Variants in NECTIN2 observed in about 807,000 individuals in gnomAD.
NECTIN2 encodes the protein nectin cell adhesion molecule 2.
In NECTIN2, 23 loss-of-function variants were observed where a neutral mutation model predicts 56.9. The ratio of observed to expected loss-of-function variants is 0.40; its 90% CI spans 0.29 to 0.57. The LOEUF is 0.57. Ranked by LOEUF, NECTIN2 falls within the 20% of genes least tolerant of loss-of-function variation. NECTIN2 has a pLI of 0.38. For missense variants in NECTIN2, 587 were observed against 718.3 expected (o/e 0.82, Z 2.09); for synonymous variants, 302 against 313.8 (o/e 0.96, Z 0.40).
chr19:44,865,734 T>G lies in NECTIN2; in HGVS notation c.478+74T>G. ...GGGAGCATCCCCTTGCGGGTCAGTT[T>G]CTCTCTTGGCTTCAGCTGTGAGGTT... is the stretch of plus-strand genomic sequence containing the variant. On this transcript the variant is annotated intron_variant, in intron 2 of 8. Transcript: ENST00000252483. This position sits in a 1 kb window ranked among gnomAD's most constrained non-coding sequence, Gnocchi z 5.2. The G allele has an allele frequency of 7.1e-7, 1 of 1,414,390 alleles. No homozygotes were observed. Among genetic ancestry groups the G allele is most frequent in the Non-Finnish European group, 9.3e-7 (1 of 1,075,056 alleles). The allele number at this position is 1,414,390 out of a possible 1,614,324, so 87.6% of individuals were successfully genotyped here. A position where few individuals can be genotyped will look rare whatever the true frequency, so the allele number is the denominator to read the frequency against.
rs1969086670 is a variant in NECTIN2, at chr19:44,865,360, G to T, written c.178G>T (p.Val60Phe). ...GCTGCCGTGCCACCTGCTGCCACCT[G>T]TTCCTGGACTGTACATCTCCCTGGT... is the stretch of plus-strand genomic sequence containing the variant. ...VELPCHLLPPVPGLYISLVTW... is the reference protein window; with the variant it reads ...VELPCHLLPPFPGLYISLVTW... The change falls in exon 2 of 9, where the codon GTT (valine) becomes TTT (phenylalanine). Residue 60 changes from valine to phenylalanine, a missense_variant. By Grantham distance (50) the Val-to-Phe change is conservative (BLOSUM62 -1). Transcript: ENST00000252483. This position sits in a 1 kb window ranked among gnomAD's most constrained non-coding sequence, Gnocchi z 5.2. The T allele has an allele frequency of 6.2e-7, 1 of 1,614,190 alleles. No individual in the cohort carries two copies. Among genetic ancestry groups the T allele is most frequent in the Admixed American group, 1.7e-5 (1 of 60,018 alleles).
Position 44,887,783 on chromosome 19 carries a change from G to T in NECTIN2, c.1348-327G>T, listed in dbSNP as rs111661197. Reference sequence around the variant, plus strand: ...GTCAGGGGTCAGACACTGAGGTTGCGCTCAAGGTTCAAAGGACTGTTTAGA... The same window carrying T: ...GTCAGGGGTCAGACACTGAGGTTGCTCTCAAGGTTCAAAGGACTGTTTAGA... On this transcript the variant is annotated intron_variant, in intron 8 of 8. Coordinates refer to ENST00000252483, the MANE Select transcript of NECTIN2 (RefSeq NM_001042724.2). 1.7e-4 allele frequency among the ~76,000 whole-genome samples: 26 copies of T among 152,284 alleles called. 2 individuals are homozygous for T. Among genetic ancestry groups the T allele is most frequent in the African/African-American group, 5.8e-4 (24 of 41,556 alleles).
intron 5 of NECTIN2, among the ~76,000 whole-genome samples, chr19:44,881,505 C>G (rs919495776): frequency 6.8e-6 from 1 of 147,884 alleles, no homozygotes; most frequent in African/African-American, 2.5e-5. Flanking sequence ...GGCAAAACCC[C>G]ATCTCTACAA....
intron 1 of NECTIN2, among the ~76,000 whole-genome samples, chr19:44,862,158 G>A (rs190088481): frequency 9.1e-4 from 138 of 152,340 alleles, no homozygotes; most frequent in African/African-American, 3.3e-3. Flanking sequence ...GCTGACGCCT[G>A]TAATCCTAGC....
At chr19:44,858,878 A>G (rs1969000632) in intron 1 of NECTIN2, among the ~76,000 whole-genome samples, 1 of 146,450 alleles carries the variant, frequency 6.8e-6, no homozygotes, top group South Asian at 2.2e-4. Flanking sequence ...CCTGGCCCCA[A>G]GTGAGCCTCC....
intron 1 of NECTIN2, among the ~76,000 whole-genome samples, chr19:44,857,235 CTT>C (rs34803447): frequency 1.6e-5 from 2 of 128,422 alleles, no homozygotes; most frequent in African/African-American, 3.0e-5. Context: ...TACAAGTGGA[CTT>C]TTTTTTTTTT....
intron 5 of NECTIN2, among the ~76,000 whole-genome samples, chr19:44,881,115 C>A (rs1464182098): frequency 6.6e-6 from 1 of 151,724 alleles, no homozygotes; most frequent in Non-Finnish European, 1.5e-5. Flanking sequence ...GAGATGAGGT[C>A]TTGTGCTCGT....
intron 8 of NECTIN2, among the ~76,000 whole-genome samples, chr19:44,887,891 G>A (rs1969378230): frequency 6.6e-6 from 1 of 152,178 alleles, no homozygotes; most frequent in Non-Finnish European, 1.5e-5. Context: ...TCAAAAGTGA[G>A]TCCCAGGATT....
At chr19:44,878,343 G>A (rs1464833303) in intron 5 of NECTIN2, 3 of 1,460,502 alleles carry the variant, frequency 2.1e-6, no homozygotes, top group Non-Finnish European at 2.8e-6. Context: ...CTGAGGGTGA[G>A]GAGGAGGAGG....
intron 5 of NECTIN2, chr19:44,878,161 G>A (rs1034569260): frequency 3.1e-5 from 19 of 616,920 alleles, no homozygotes; most frequent in African/African-American, 1.7e-4. Flanking sequence ...TCCCCAGAGC[G>A]ATCCTCGTGA....
chr19:44,881,081 G>GTA (rs1568599274), intron 5 of NECTIN2, among the ~76,000 whole-genome samples: 3 of 151,176 alleles, frequency 2.0e-5, no homozygotes, highest in African/African-American at 7.3e-5. Flanking sequence ...GCTAGCCCCC[G>GTA]GCTAATTTTT....
At chr19:44,867,045 T>C in intron 2 of NECTIN2, among the ~76,000 whole-genome samples, 1 of 150,574 alleles carries the variant, frequency 6.6e-6, no homozygotes, top group East Asian at 2.0e-4. Context: ...TGAGACAGAG[T>C]TTTGCTCTTG....
At chr19:44,878,417 C>G (rs1296360584) in intron 5 of NECTIN2, 4 of 1,575,366 alleles carry the variant, frequency 2.5e-6, no homozygotes, top group Non-Finnish European at 3.4e-6. Flanking sequence ...TCCGAAAGCT[C>G]AGGTGTTGGG....
Position 44,886,620 on chromosome 19 carries a change from G to A in NECTIN2, c.1347+401G>A, listed in dbSNP as rs1312931331. Among the ~76,000 whole-genome samples, 5 of 152,152 alleles carry A rather than the reference G, an allele frequency of 3.3e-5. No homozygotes were observed. The East Asian group carries it at 5.8e-4, about 18-fold the overall frequency. ...GCCTGTAATCTTAGCTACCCGGGGCGCTGAGGAGGAAGAATCGCCTGAACC... is the reference window on the plus strand; with the variant it reads ...GCCTGTAATCTTAGCTACCCGGGGCACTGAGGAGGAAGAATCGCCTGAACC... On this transcript the variant is annotated intron_variant, in intron 8 of 8. Coordinates refer to ENST00000252483, the MANE Select transcript of NECTIN2 (RefSeq NM_001042724.2).
chr19:44,849,450 G>A (rs1968875496), intron 1 of NECTIN2, among the ~76,000 whole-genome samples: 1 of 152,104 alleles, frequency 6.6e-6, no homozygotes, highest in Admixed American at 6.5e-5. Context: ...GGGGCCACAG[G>A]GAGTGATGAA....
chr19:44,864,016 C>CCCCG (rs1969065350), intron 1 of NECTIN2, among the ~76,000 whole-genome samples: 2 of 151,344 alleles, frequency 1.3e-5, no homozygotes, highest in South Asian at 2.1e-4. Context: ...GAGGATTCCC[C>CCCCG]CCCCCCAAAA....
Position 44,874,080 on chromosome 19 carries a change from G to C in NECTIN2, c.893+47G>C, listed in dbSNP as rs774221330. 26 of 1,472,296 alleles carry C rather than the reference G, an allele frequency of 1.8e-5. No individual in the cohort carries two copies. The highest frequency in any genetic ancestry group is 2.3e-5 in the Non-Finnish European group (24 of 1,060,984). The allele number at this position is 1,472,296 out of a possible 1,614,324, so 91.2% of individuals were successfully genotyped here. A position where few individuals can be genotyped will look rare whatever the true frequency, so the allele number is the denominator to read the frequency against. On this transcript the variant is annotated intron_variant, in intron 4 of 8. Transcript: ENST00000252483. This position sits in a 1 kb window ranked among gnomAD's most constrained non-coding sequence, Gnocchi z 6.3. ...CCCTGGGTCTGAGGGAGGCGGGGCT[G>C]GGGGCCTGGACTCCTGGATCTAAGG...
At chr19:44,852,716 G>A (rs1968915594) in intron 1 of NECTIN2, among the ~76,000 whole-genome samples, 1 of 152,066 alleles carries the variant, frequency 6.6e-6, no homozygotes, top group Non-Finnish European at 1.5e-5. Flanking sequence ...AGGCGTCAGA[G>A]GTGGTCTAAC....
intron 5 of NECTIN2, among the ~76,000 whole-genome samples, chr19:44,880,112 T>C (rs1440322468): frequency 6.6e-6 from 1 of 152,194 alleles, no homozygotes; most frequent in Non-Finnish European, 1.5e-5. Context: ...GTGAGGCCGA[T>C]GCATGCGTGA....
Sources: gnomAD v4.1 joint callset for allele counts (sites outside exome capture counted in the v4.1 genomes callset) on GRCh38, gnomAD v4.1.1 for gene constraint, Gnocchi (gnomAD v3.1) non-coding constraint, MANE v1.5 for transcripts, NCBI Gene and HGNC (gene_info 2026-07-23, HGNC 2026-07-21) for gene names.